The following ATG7 variants were observed in gnomAD, a reference collection of about 807,000 sequenced individuals.
The protein encoded by ATG7 is ubiquitin-like modifier-activating enzyme ATG7.
A neutral mutation model predicts 82.4 loss-of-function variants in ATG7; 70 were observed. That is an observed-to-expected ratio of 0.85 (90% CI 0.70 to 1.04). The LOEUF is 1.04. Ranked by LOEUF, ATG7 falls within the 50% of genes least tolerant of loss-of-function variation. The pLI is 0.00. For synonymous variants in ATG7, 287 were observed against 313.0 expected (o/e 0.92, Z 0.88); for missense variants, 792 against 864.3 (o/e 0.92, Z 1.05).
intron 18 of ATG7, among the ~76,000 whole-genome samples, chr3:11,373,802 G>T (rs2077200635): frequency 6.6e-6 from 1 of 152,148 alleles, no homozygotes; most frequent in African/African-American, 2.4e-5. Context: ...TGCAACTTCT[G>T]CTCTTTAAAT....
intron 20 of ATG7, among the ~76,000 whole-genome samples, chr3:11,519,715 G>C (rs1488695816): frequency 6.6e-6 from 1 of 151,436 alleles, no homozygotes; most frequent in Non-Finnish European, 1.5e-5. Context: ...GCCCGTCACC[G>C]CGCCCGGCTA....
intron 5 of ATG7, among the ~76,000 whole-genome samples, chr3:11,306,178 G>A (rs1221581573): frequency 6.6e-6 from 1 of 152,184 alleles, no homozygotes. Context: ...CAGATTGACA[G>A]GTAGCCCAGG....
chr3:11,472,925 C>G (rs776903962), intron 20 of ATG7, among the ~76,000 whole-genome samples: 2 of 152,182 alleles, frequency 1.3e-5, no homozygotes, highest in African/African-American at 2.4e-5. Flanking sequence ...GAGCTAGAAT[C>G]CTATTGTGAG....
At chr3:11,512,080 C>T (rs1232486002) in intron 20 of ATG7, among the ~76,000 whole-genome samples, 10 of 152,214 alleles carry the variant, frequency 6.6e-5, no homozygotes, top group Non-Finnish European at 1.3e-4. Flanking sequence ...CCTCAAATGC[C>T]ACCAAAGTGG....
At chr3:11,482,136 C>T (rs952088429) in intron 20 of ATG7, among the ~76,000 whole-genome samples, 3 of 152,214 alleles carry the variant, frequency 2.0e-5, no homozygotes, top group African/African-American at 7.2e-5. Flanking sequence ...TTTCTGTGCT[C>T]CGCTCTGTCC....
At chr3:11,413,846 A>T (rs1171071320) in intron 19 of ATG7, among the ~76,000 whole-genome samples, 2 of 152,210 alleles carry the variant, frequency 1.3e-5, no homozygotes, top group African/African-American at 2.4e-5. Flanking sequence ...CAGTGGAACC[A>T]TCAGGTGCAG....
At chr3:11,523,243 T>G (rs1477669406) in intron 20 of ATG7, among the ~76,000 whole-genome samples, 2 of 152,190 alleles carry the variant, frequency 1.3e-5, no homozygotes, top group African/African-American at 4.8e-5. Flanking sequence ...TTTCTTCTCT[T>G]TCTTGGGCGG....
At chr3:11,567,005 G>A in the ATG7 span, among the ~76,000 whole-genome samples, 5 of 152,138 alleles carry the variant, frequency 3.3e-5, no homozygotes, top group African/African-American at 7.2e-5. Flanking sequence ...AACTGGAGGC[G>A]CATTCAAGCC....
chr3:11,440,674 C>CTTTTTTTTTTTTTTTTTTT (rs72177700), intron 20 of ATG7, among the ~76,000 whole-genome samples: 2 of 39,484 alleles, frequency 5.1e-5, no homozygotes, highest in African/African-American at 1.1e-4. Context: ...TCCCCATTTG[C>CTTTTTTTTTTTTTTTTTTT]TTTTTTTTTT....
intron 20 of ATG7, among the ~76,000 whole-genome samples, chr3:11,496,495 T>G (rs1319874117): frequency 6.6e-6 from 1 of 152,194 alleles, no homozygotes; most frequent in Non-Finnish European, 1.5e-5. Flanking sequence ...AATACCAAGT[T>G]GCTCTTCTCT....
chr3:11,430,113 C>A (rs933298261), intron 20 of ATG7, among the ~76,000 whole-genome samples: 2 of 151,962 alleles, frequency 1.3e-5, no homozygotes, highest in African/African-American at 4.8e-5. Flanking sequence ...TAGTAGGTGA[C>A]CCTTAATAGG....
At chr3:11,537,970 C>G (rs574932055) in intron 20 of ATG7, among the ~76,000 whole-genome samples, 2 of 146,814 alleles carry the variant, frequency 1.4e-5, no homozygotes, top group South Asian at 2.2e-4. Context: ...GGTACCTGGC[C>G]GAGATCTGGC....
chr3:11,520,605 AAAC>A (rs1427475195), intron 20 of ATG7, among the ~76,000 whole-genome samples: 2 of 152,146 alleles, frequency 1.3e-5, no homozygotes, highest in African/African-American at 4.8e-5. Flanking sequence ...GCCCCACAGC[AAAC>A]AACAAGTGTG....
Position 11,284,455 on chromosome 3 carries a change from A to C in ATG7, c.-11+2017A>C, listed in dbSNP as rs1265637771. Among the ~76,000 whole-genome samples, 4 of 152,242 alleles carry C rather than the reference A, an allele frequency of 2.6e-5. No homozygotes were observed. In the East Asian group the frequency reaches 7.7e-4, roughly 29 times the overall value. ...ATGAATTGCTTTTTACCAAAGCTAA[A>C]TTTAAGTAGGTCATCTGTTAACTGT... On this transcript the variant is annotated intron_variant, in intron 3 of 20. Coordinates refer to ENST00000693202, the MANE Select transcript of ATG7 (RefSeq NM_001349232.2).
At chr3:11,574,260 T>C in the ATG7 span, among the ~76,000 whole-genome samples, 13 of 152,300 alleles carry the variant, frequency 8.5e-5, no homozygotes, top group East Asian at 2.5e-3. Context: ...GCCACACCCA[T>C]GTTTCTTCTG....
rs924963757 is a variant in ATG7 at position 11,411,683 on chromosome 3, C to G, written c.1957-15121C>G. Among the ~76,000 whole-genome samples, 10 of 145,842 alleles carry G rather than the reference C, an allele frequency of 6.9e-5. No homozygotes were observed. In the Admixed American group the frequency reaches 6.9e-4, roughly 10 times the overall value. The stretch of plus-strand genomic sequence containing the variant: ...GATATGATTTTCAGATTATTTTGTC[C>G]CATTCCAGAAGTTGCCTTTTTACTC... On this transcript the variant is annotated intron_variant, in intron 19 of 20. Transcript: ENST00000693202.
intron 19 of ATG7, among the ~76,000 whole-genome samples, chr3:11,396,830 A>G (rs1359309378): frequency 6.6e-6 from 1 of 151,374 alleles, no homozygotes; most frequent in South Asian, 2.1e-4. Flanking sequence ...AACTTGGAGG[A>G]GGTAGGTGAT....
At chr3:11,464,711 T>C (rs985897998) in intron 20 of ATG7, among the ~76,000 whole-genome samples, 2 of 152,214 alleles carry the variant, frequency 1.3e-5, no homozygotes, top group African/African-American at 4.8e-5. Flanking sequence ...CTAGAAGCAG[T>C]GGCTTTTTGC....
At chr3:11,391,837 C>G (rs1665364619) in intron 19 of ATG7, among the ~76,000 whole-genome samples, 1 of 152,012 alleles carries the variant, frequency 6.6e-6, no homozygotes, top group Non-Finnish European at 1.5e-5. Flanking sequence ...GAGCATTAGG[C>G]TCAGAGAAAT....
Sources: allele counts gnomAD v4.1 joint callset (sites outside exome capture counted in the v4.1 genomes callset), GRCh38; gene constraint gnomAD v4.1.1; transcripts MANE v1.5; gene names NCBI Gene and HGNC (gene_info 2026-07-23, HGNC 2026-07-21).